Variants in CCDC179 observed in about 807,000 individuals in gnomAD.
CCDC179 encodes coiled-coil domain-containing protein 179.
A neutral mutation model predicts 12.0 loss-of-function variants in CCDC179; 17 were observed. That is an observed-to-expected ratio of 1.42 (90% CI 0.97 to 2.13). The LOEUF (loss-of-function observed/expected upper bound fraction) is 2.13, where lower values mean the gene tolerates loss of function less well. Ranked by LOEUF, CCDC179 falls within the 30% of genes most tolerant of loss-of-function variation. The probability of loss-of-function intolerance (pLI) is 0.00; values close to 1 mark genes in which losing one functional copy is unlikely to be tolerated. For missense variants in CCDC179, 83 were observed against 78.6 expected, an observed-to-expected ratio of 1.06 and a Z score of -0.21; for synonymous variants, 27 against 26.4, an observed-to-expected ratio of 1.02 and a Z score of -0.07.
chr11:22,851,061 C>T (rs1858389488), intron 3 of CCDC179, among the ~76,000 whole-genome samples: 1 of 135,294 alleles, frequency 7.4e-6, no homozygotes, highest in Non-Finnish European at 1.5e-5. Context: ...TCTTGGCTCA[C>T]TGCAAGCTCC....
chr11:22,851,598 G>T (rs1024017630), intron 3 of CCDC179, among the ~76,000 whole-genome samples: 1 of 152,126 alleles, frequency 6.6e-6, no homozygotes, highest in Non-Finnish European at 1.5e-5. Flanking sequence ...TAAGAAAAAA[G>T]CAGAACAATC....
chr11:22,859,983 T>C (rs1055962816), intron 1 of CCDC179, among the ~76,000 whole-genome samples: 1 of 152,196 alleles, frequency 6.6e-6, no homozygotes, highest in African/African-American at 2.4e-5. Flanking sequence ...TATTTCTTGA[T>C]TGTACCTTAA....
At chr11:22,853,438 TA>T (rs1212824806) in intron 3 of CCDC179, among the ~76,000 whole-genome samples, 2 of 151,968 alleles carry the variant, frequency 1.3e-5, no homozygotes, top group African/African-American at 4.8e-5. Context: ...GAAATCAAAC[TA>T]ACACTAAAAG....
intron 3 of CCDC179, among the ~76,000 whole-genome samples, chr11:22,856,240 C>G (rs1858526816): frequency 6.6e-6 from 1 of 151,422 alleles, no homozygotes; most frequent in South Asian, 2.1e-4. Context: ...AGACCAATAC[C>G]TCTCATGAAC....
chr11:22,860,023 A>G (rs1007864165), intron 1 of CCDC179, among the ~76,000 whole-genome samples: 5 of 152,176 alleles, frequency 3.3e-5, no homozygotes, highest in Middle Eastern at 3.2e-3. Flanking sequence ...TTTTGATCCA[A>G]TCTTTTAACC....
chr11:22,851,411 G>A (rs1215635089), intron 3 of CCDC179, among the ~76,000 whole-genome samples: 1 of 152,106 alleles, frequency 6.6e-6, no homozygotes, highest in Admixed American at 6.6e-5. Flanking sequence ...TTTCTTCCAT[G>A]CTAATGGTAC....
At chr11:22,855,752 C>A (rs1176509217) in intron 3 of CCDC179, among the ~76,000 whole-genome samples, 2 of 151,154 alleles carry the variant, frequency 1.3e-5, no homozygotes. Context: ...TTAATGAAAC[C>A]AAAATATAAT....
chr11:22,855,439 C>T (rs950011739), intron 3 of CCDC179, among the ~76,000 whole-genome samples: 9 of 151,502 alleles, frequency 5.9e-5, no homozygotes, highest in African/African-American at 2.2e-4. Flanking sequence ...TAAGAACATA[C>T]TTACAACTAG....
intron 3 of CCDC179, among the ~76,000 whole-genome samples, chr11:22,854,566 AT>A (rs1204684925): frequency 4.6e-5 from 7 of 151,848 alleles, no homozygotes; most frequent in African/African-American, 1.7e-4. Context: ...AAAAAATAAA[AT>A]AAAGCAAGTA....
chr11:22,849,685 G>A (rs780090919), intron 3 of CCDC179, among the ~76,000 whole-genome samples: 7 of 151,996 alleles, frequency 4.6e-5, no homozygotes, highest in Non-Finnish European at 8.8e-5. Flanking sequence ...TTCCCCATGT[G>A]TCTCGAAAGT....
chr11:22,853,614 T>C (rs1276661037), intron 3 of CCDC179, among the ~76,000 whole-genome samples: 1 of 142,528 alleles, frequency 7.0e-6, no homozygotes, highest in East Asian at 2.1e-4. Context: ...ATTCAAGAAC[T>C]GAGCAACAAT....
intron 3 of CCDC179, among the ~76,000 whole-genome samples, chr11:22,850,953 T>TATAC (rs1378460142): frequency 6.0e-4 from 5 of 8,298 alleles, no homozygotes; most frequent in African/African-American, 9.3e-4. Flanking sequence ...TATATATATA[T>TATAC]ATATATATAT....
intron 3 of CCDC179, among the ~76,000 whole-genome samples, chr11:22,851,821 T>C (rs1858410506): frequency 6.6e-6 from 1 of 152,148 alleles, no homozygotes; most frequent in Non-Finnish European, 1.5e-5. Context: ...AATTAAAAAC[T>C]CTGGGTGTAG....
chr11:22,853,689 GGATGAA>G (rs1159508483), intron 3 of CCDC179, among the ~76,000 whole-genome samples: 3 of 150,658 alleles, frequency 2.0e-5, no homozygotes, highest in African/African-American at 2.4e-5. Flanking sequence ...AAGAGGAAAA[GGATGAA>G]GAGGAAGAGG....
chr11:22,850,938 G>C (rs563701012), intron 3 of CCDC179, among the ~76,000 whole-genome samples: 9 of 75,028 alleles, frequency 1.2e-4, no homozygotes, highest in South Asian at 5.0e-4. Flanking sequence ...ATGTTGCATA[G>C]GCTATATATA....
rs529098336 is a variant in CCDC179 at position 22,849,762 on chromosome 11, C to T, written c.196-2241G>A. On this transcript the variant is annotated intron_variant, in intron 3 of 3. Transcript: ENST00000532798. ...CTCCCACTTGTAGGTGAGAAGGAGG[C>T]AGCTACATTGTCTGGGGTAGATACC... Among the ~76,000 whole-genome samples, 11 of 152,214 alleles carry T rather than the reference C, an allele frequency of 7.2e-5. No homozygotes were observed. In the South Asian group the frequency reaches 2.3e-3, roughly 32 times the overall value.
intron 3 of CCDC179, among the ~76,000 whole-genome samples, chr11:22,852,058 T>C (rs1297680079): frequency 6.6e-6 from 1 of 152,184 alleles, no homozygotes; most frequent in East Asian, 1.9e-4. Flanking sequence ...TTTTACCAAA[T>C]TCTAAGTGAC....
chr11:22,849,804 G>A lies in CCDC179; in HGVS notation c.196-2283C>T, dbSNP rs374057469. 1.1e-4 allele frequency among the ~76,000 whole-genome samples: 17 copies of A among 152,034 alleles called. 1 individual carries two copies. The South Asian group carries it at 1.9e-3, about 17-fold the overall frequency. ...GTAGATACCCAGGGTTCGTTGTCCC[G>A]TACCAAGAAAATTTAGGACACGGAC... On this transcript the variant is annotated intron_variant, in intron 3 of 3. Transcript: ENST00000532798.
In CCDC179 at chr11:22,847,405, T is replaced by C. The variant is rs1858247829; in HGVS notation, c.*105A>G. 10 of 631,286 alleles carry C rather than the reference T, an allele frequency of 1.6e-5. No homozygotes were observed. Among genetic ancestry groups the C allele is most frequent in the African/African-American group, 3.8e-5 (2 of 52,916 alleles). 39.1% of individuals were successfully genotyped at this position (631,286 alleles called of 1,614,324 possible). On this transcript the variant is annotated 3_prime_UTR_variant, in exon 4 of 4. Transcript: ENST00000532798. ...TTTATTTTTCCGAAATGGTGGAGTA[T>C]TGCATTTATTTTGTGGATGATCAAT...
Sources: gnomAD v4.1 joint callset for allele counts (sites outside exome capture counted in the v4.1 genomes callset) on GRCh38, gnomAD v4.1.1 for gene constraint, MANE v1.5 for transcripts, NCBI Gene and HGNC (gene_info 2026-07-23, HGNC 2026-07-21) for gene names.